The following EDIL3 variants were observed in gnomAD, a reference collection of about 807,000 sequenced individuals.
The protein encoded by EDIL3 is EGF-like repeat and discoidin I-like domain-containing protein 3.
Under a neutral mutation model 67.4 loss-of-function variants are expected in EDIL3, and 37 were observed. The observed-to-expected ratio is 0.55, with a 90% CI of 0.42 to 0.72. The LOEUF is 0.72. EDIL3 is among the 30% of genes least tolerant of loss of function. EDIL3 has a pLI of 0.00. For synonymous variants in EDIL3, 195 were observed against 196.3 expected (o/e 0.99, Z 0.05); for missense variants, 527 against 586.3 (o/e 0.90, Z 1.04).
At chr5:84,383,300 TC>T (rs1270126488) in intron 1 of EDIL3, among the ~76,000 whole-genome samples, 2 of 151,944 alleles carry the variant, frequency 1.3e-5, no homozygotes, top group Non-Finnish European at 1.5e-5. Context: ...GCTGCCCTTT[TC>T]CGGCGACTAC....
chr5:84,310,001 A>G lies in EDIL3; in HGVS notation c.68-55789T>C, dbSNP rs186646227. Among the ~76,000 whole-genome samples, 15 of 152,322 alleles carry G rather than the reference A, an allele frequency of 9.8e-5. No homozygotes were observed. The East Asian group carries it at 2.5e-3, about 25-fold the overall frequency. The stretch of plus-strand genomic sequence containing the variant: ...TATTTCTCCACATCAGTTTCACTCC[A>G]TGTTATCACTGCTTCCCCTCAATTC... On this transcript the variant is annotated intron_variant, in intron 1 of 10. Coordinates refer to ENST00000296591, the MANE Select transcript of EDIL3 (RefSeq NM_005711.5).
intron 2 of EDIL3, among the ~76,000 whole-genome samples, chr5:84,251,628 T>C (rs1367292536): frequency 6.6e-6 from 1 of 152,088 alleles, no homozygotes; most frequent in East Asian, 1.9e-4. Context: ...AGAAAGGCAA[T>C]AGGGTAATGT....
At chr5:84,148,775 A>C (rs1323305717) in intron 4 of EDIL3, among the ~76,000 whole-genome samples, 1 of 152,118 alleles carries the variant, frequency 6.6e-6, no homozygotes, top group African/African-American at 2.4e-5. Context: ...ACTCAGTGCT[A>C]AAAATGCTGT....
intron 10 of EDIL3, among the ~76,000 whole-genome samples, chr5:83,957,981 A>G (rs1271821170): frequency 6.6e-6 from 1 of 151,610 alleles, no homozygotes; most frequent in East Asian, 1.9e-4. Context: ...TATTATTTCA[A>G]TTTAAAATTT....
chr5:84,123,367 T>A (rs1747812360), intron 5 of EDIL3, among the ~76,000 whole-genome samples: 1 of 152,046 alleles, frequency 6.6e-6, no homozygotes, highest in Non-Finnish European at 1.5e-5. Context: ...AATAGTCTTG[T>A]GTTTCATGTA....
intron 9 of EDIL3, among the ~76,000 whole-genome samples, chr5:84,059,246 A>C: frequency 6.6e-6 from 1 of 151,994 alleles, no homozygotes; most frequent in East Asian, 1.9e-4. Flanking sequence ...CACAAAAGAA[A>C]AAAAAAATTA....
At chr5:84,217,721 AAC>A (rs61264723) in intron 3 of EDIL3, among the ~76,000 whole-genome samples, 6,562 of 134,902 alleles carry the variant, frequency 0.049, 150 homozygotes, top group African/African-American at 0.053. Flanking sequence ...TATACACACA[AAC>A]ACACACACAC....
At chr5:84,006,081 A>T (rs1361879483) in intron 9 of EDIL3, among the ~76,000 whole-genome samples, 1 of 134,510 alleles carries the variant, frequency 7.4e-6, no homozygotes, top group Non-Finnish European at 1.5e-5. Context: ...AATAGCATTA[A>T]TAATAATAAT....
chr5:84,064,630 A>C (rs533533643), intron 8 of EDIL3, 70 bp downstream of exon 8: 1 of 1,497,210 alleles, frequency 6.7e-7, no homozygotes, highest in South Asian at 1.3e-5. Context: ...TAGGTTAGTA[A>C]CAGGCTACAT....
intron 1 of EDIL3, among the ~76,000 whole-genome samples, chr5:84,307,595 G>A (rs949219015): frequency 6.6e-6 from 1 of 152,176 alleles, no homozygotes; most frequent in African/African-American, 2.4e-5. Context: ...CATACATTGG[G>A]TCAAGGAAAT....
At chr5:84,029,032 T>G (rs533443739) in intron 9 of EDIL3, among the ~76,000 whole-genome samples, 2 of 152,000 alleles carry the variant, frequency 1.3e-5, no homozygotes, top group African/African-American at 2.4e-5. Context: ...CTGAGGCAGG[T>G]GGATCACGAG....
chr5:84,170,852 G>C (rs528524729), intron 4 of EDIL3, among the ~76,000 whole-genome samples: 1 of 151,980 alleles, frequency 6.6e-6, no homozygotes, highest in Non-Finnish European at 1.5e-5. Context: ...TGGAGTGCAG[G>C]GGTGTGATCT....
intron 1 of EDIL3, among the ~76,000 whole-genome samples, chr5:84,269,096 T>G (rs1241404601): frequency 1.3e-5 from 2 of 152,202 alleles, no homozygotes; most frequent in Admixed American, 1.3e-4. Flanking sequence ...GTATCCTTTC[T>G]GAAAATTTAT....
At chr5:84,224,351 A>G (rs1454086523) in intron 3 of EDIL3, among the ~76,000 whole-genome samples, 1 of 151,574 alleles carries the variant, frequency 6.6e-6, no homozygotes, top group African/African-American at 2.4e-5. Flanking sequence ...AGCAATGAGG[A>G]AATTGTGAGA....
chr5:84,124,106 C>T (rs531274062), intron 5 of EDIL3, among the ~76,000 whole-genome samples: 3 of 151,922 alleles, frequency 2.0e-5, no homozygotes, highest in South Asian at 2.1e-4. Flanking sequence ...TATCAAATGC[C>T]CAACTTATCC....
chr5:83,952,609 C>G (rs1389977425), intron 10 of EDIL3, among the ~76,000 whole-genome samples: 1 of 151,716 alleles, frequency 6.6e-6, no homozygotes, highest in Non-Finnish European at 1.5e-5. Context: ...TGTAGAAATG[C>G]CTTTCCTCTT....
At chr5:83,967,539 T>C (rs1029693891) in intron 9 of EDIL3, among the ~76,000 whole-genome samples, 4 of 152,070 alleles carry the variant, frequency 2.6e-5, no homozygotes, top group Non-Finnish European at 5.9e-5. Flanking sequence ...CAAAAAAGTA[T>C]GGCATGAGAG....
At chr5:84,057,212 T>C (rs1746463392) in intron 9 of EDIL3, among the ~76,000 whole-genome samples, 1 of 152,170 alleles carries the variant, frequency 6.6e-6, no homozygotes, top group Admixed American at 6.5e-5. Flanking sequence ...AGCATGCAAG[T>C]GATTTTAAGA....
chr5:84,214,902 A>G (rs961835777), intron 3 of EDIL3, among the ~76,000 whole-genome samples: 2 of 151,954 alleles, frequency 1.3e-5, no homozygotes, highest in African/African-American at 4.8e-5. Context: ...GTGTTTTAGT[A>G]GAGATGGAGT....
Sources: allele counts gnomAD v4.1 joint callset (sites outside exome capture counted in the v4.1 genomes callset), GRCh38; gene constraint gnomAD v4.1.1; transcripts MANE v1.5; gene names NCBI Gene and HGNC (gene_info 2026-07-23, HGNC 2026-07-21).